CAMTA1: variants seen among roughly 807,000 people sequenced by gnomAD.
CAMTA1 encodes calmodulin binding transcription activator 1.
A neutral mutation model predicts 170.9 loss-of-function variants in CAMTA1; 27 were observed. That is an observed-to-expected ratio of 0.16 (90% CI 0.12 to 0.22). The LOEUF is 0.22. Ranked by LOEUF, CAMTA1 falls within the 10% of genes least tolerant of loss-of-function variation. The pLI, the probability that CAMTA1 is intolerant of heterozygous loss-of-function variation, is 1.00. For missense variants in CAMTA1, 1,619 were observed against 2,217.2 expected (o/e 0.73, Z 5.42); for synonymous variants, 833 against 891.5 (o/e 0.93, Z 1.17).
intron 4 of CAMTA1, among the ~76,000 whole-genome samples, chr1:7,151,867 G>A (rs1292734403): frequency 6.6e-6 from 1 of 152,076 alleles, no homozygotes; most frequent in Non-Finnish European, 1.5e-5. Flanking sequence ...AGCTCTGATT[G>A]GATTCACCAC....
intron 5 of CAMTA1, among the ~76,000 whole-genome samples, chr1:7,272,691 G>GCAAAAAAAA (rs1669986067): frequency 3.7e-4 from 1 of 2,702 alleles, no homozygotes; most frequent in Non-Finnish European, 8.5e-4. Flanking sequence ...ATAAACACAT[G>GCAAAAAAAA]CAAAAAAAAA....
At chr1:7,214,861 T>A (rs1659470455) in intron 4 of CAMTA1, among the ~76,000 whole-genome samples, 1 of 78,822 alleles carries the variant, frequency 1.3e-5, no homozygotes, top group Non-Finnish European at 2.4e-5. Context: ...CTTTCTTTCT[T>A]TTTTTTTTTT....
At chr1:7,263,502 T>G (rs936526062) in intron 5 of CAMTA1, among the ~76,000 whole-genome samples, 4 of 152,240 alleles carry the variant, frequency 2.6e-5, no homozygotes, top group Admixed American at 6.5e-5. Flanking sequence ...TGTTTTTACA[T>G]GATTAAGGGA....
intron 4 of CAMTA1, among the ~76,000 whole-genome samples, chr1:7,178,635 C>A (rs1651441557): frequency 6.6e-6 from 1 of 152,160 alleles, no homozygotes; most frequent in African/African-American, 2.4e-5. Context: ...GCCTCTCTGC[C>A]TTGTTCCTGC....
intron 11 of CAMTA1, among the ~76,000 whole-genome samples, chr1:7,701,254 A>T (rs1356445981): frequency 6.6e-6 from 1 of 152,120 alleles, no homozygotes; most frequent in African/African-American, 2.4e-5. Flanking sequence ...CTTGCAGGAG[A>T]CTTAGCAGCA....
intron 5 of CAMTA1, among the ~76,000 whole-genome samples, chr1:7,413,877 GA>G (rs2090972321): frequency 6.6e-6 from 1 of 152,140 alleles, no homozygotes; most frequent in African/African-American, 2.4e-5. Context: ...CATTCAGTAT[GA>G]TATTGGCTGT....
chr1:6,928,235 A>C (rs1424764016), intron 3 of CAMTA1, among the ~76,000 whole-genome samples: 2 of 152,192 alleles, frequency 1.3e-5, no homozygotes, highest in Non-Finnish European at 2.9e-5. Context: ...AACAGAAATC[A>C]GTCTTGCCGT....
At chr1:7,653,636 T>C (rs1372227197) in intron 7 of CAMTA1, among the ~76,000 whole-genome samples, 1 of 152,152 alleles carries the variant, frequency 6.6e-6, no homozygotes, top group East Asian at 1.9e-4. Flanking sequence ...ATAACTATCA[T>C]TGTTTTTGTT....
intron 7 of CAMTA1, among the ~76,000 whole-genome samples, chr1:7,650,528 A>C (rs968647843): frequency 6.6e-6 from 1 of 151,996 alleles, no homozygotes; most frequent in Non-Finnish European, 1.5e-5. Context: ...TGGACCCTCC[A>C]CCCCCGCCTT....
chr1:6,835,312 GCAGA>G (rs1156882091), intron 3 of CAMTA1, among the ~76,000 whole-genome samples: 2 of 152,238 alleles, frequency 1.3e-5, no homozygotes, highest in Non-Finnish European at 2.9e-5. Flanking sequence ...TCTGTACTGT[GCAGA>G]CAGTTTATTG....
At chr1:7,023,116 C>T (rs1285919575) in intron 3 of CAMTA1, among the ~76,000 whole-genome samples, 1 of 152,136 alleles carries the variant, frequency 6.6e-6, no homozygotes, top group African/African-American at 2.4e-5. Flanking sequence ...ACGGTATACC[C>T]CAGTCCCCCA....
chr1:7,249,406 G>A lies in CAMTA1; in HGVS notation c.303-85G>A. Reference sequence around the variant, plus strand: ...ATGTGGAATATTGCTTTTCTGTAGAGACTTTTACTGGTCGATGATATCTTT... The same window carrying A: ...ATGTGGAATATTGCTTTTCTGTAGAAACTTTTACTGGTCGATGATATCTTT... On this transcript the variant is annotated intron_variant, in intron 4 of 22. Transcript: ENST00000303635. This position sits in a 1 kb window ranked among gnomAD's most constrained non-coding sequence, Gnocchi z 4.4. 2 of 1,284,656 alleles carry A rather than the reference G, an allele frequency of 1.6e-6. No individual in the cohort carries two copies. The highest frequency in any genetic ancestry group is 3.0e-5 in the South Asian group (2 of 66,720). 79.6% of individuals were successfully genotyped at this position (1,284,656 alleles called of 1,614,324 possible). A position where few individuals can be genotyped will look rare whatever the true frequency, so the allele number is the denominator to read the frequency against.
At chr1:7,256,281 C>T (rs547696034) in intron 5 of CAMTA1, among the ~76,000 whole-genome samples, 64 of 152,014 alleles carry the variant, frequency 4.2e-4, no homozygotes, top group Admixed American at 1.8e-3. Flanking sequence ...AGCCCTAGGC[C>T]GGGCACGGTG....
At chr1:6,956,410 C>T (rs989430441) in intron 3 of CAMTA1, among the ~76,000 whole-genome samples, 10 of 152,142 alleles carry the variant, frequency 6.6e-5, no homozygotes, top group African/African-American at 1.9e-4. Flanking sequence ...GCTTGATGCA[C>T]GGTTTGTGAG....
intron 22 of CAMTA1, among the ~76,000 whole-genome samples, chr1:7,760,445 A>G (rs1356421390): frequency 1.3e-5 from 2 of 152,248 alleles, no homozygotes; most frequent in African/African-American, 4.8e-5. Flanking sequence ...TCTAGGGTCA[A>G]CAAATGTGTT....
intron 4 of CAMTA1, among the ~76,000 whole-genome samples, chr1:7,237,944 A>G (rs535305664): frequency 6.6e-6 from 1 of 152,256 alleles, no homozygotes; most frequent in African/African-American, 2.4e-5. Flanking sequence ...TCACTAAAAC[A>G]GAGAGACCAA....
At chr1:7,502,539 G>A (rs1166147145) in intron 6 of CAMTA1, among the ~76,000 whole-genome samples, 1 of 152,176 alleles carries the variant, frequency 6.6e-6, no homozygotes, top group African/African-American at 2.4e-5. Context: ...GGAGCCCTTG[G>A]AGGAAGGACT....
rs1363383434 is a variant in CAMTA1, at chr1:7,674,779, A to G, written c.2780-2820A>G. Among the ~76,000 whole-genome samples the G allele has an allele frequency of 2.0e-5, 3 of 152,112 alleles. No homozygotes were observed. The highest frequency in any genetic ancestry group is 7.2e-5 in the African/African-American group (3 of 41,416). The stretch of plus-strand genomic sequence containing the variant: ...ACAGAGTAAGACTCTGTCTCAAAAA[A>G]ACAAAAAGCAAACAAACAAACAAAA... On this transcript the variant is annotated intron_variant, in intron 10 of 22. Coordinates refer to ENST00000303635, the MANE Select transcript of CAMTA1 (RefSeq NM_015215.4). The surrounding 1 kb of genome is among the most constrained non-coding windows in gnomAD (Gnocchi z 4.1).
At chr1:6,996,371 A>C (rs1386803411) in intron 3 of CAMTA1, among the ~76,000 whole-genome samples, 1 of 152,228 alleles carries the variant, frequency 6.6e-6, no homozygotes, top group African/African-American at 2.4e-5. Context: ...AGTTCAAACT[A>C]TAAACTCTGT....
Sources: allele counts gnomAD v4.1 joint callset (sites outside exome capture counted in the v4.1 genomes callset), GRCh38; gene constraint gnomAD v4.1.1; non-coding constraint Gnocchi (gnomAD v3.1); transcripts MANE v1.5; gene names NCBI Gene and HGNC (gene_info 2026-07-23, HGNC 2026-07-21).